Variants in GRM7 observed in about 807,000 individuals in gnomAD.
The protein encoded by GRM7 is glutamate metabotropic receptor 7.
A neutral mutation model predicts 84.5 loss-of-function variants in GRM7; 35 were observed. That is an observed-to-expected ratio of 0.41 (90% CI 0.32 to 0.55). The LOEUF (loss-of-function observed/expected upper bound fraction) is 0.55, where lower values mean the gene tolerates loss of function less well. GRM7 is among the 20% of genes least tolerant of loss of function. The probability of loss-of-function intolerance (pLI) is 0.19; values close to 1 mark genes in which losing one functional copy is unlikely to be tolerated. For missense variants in GRM7, 1,003 were observed against 1,194.6 expected (o/e 0.84, Z 2.36); for synonymous variants, 487 against 455.1 (o/e 1.07, Z -0.89).
intron 1 of GRM7, among the ~76,000 whole-genome samples, chr3:7,125,719 G>C (rs1693376768): frequency 6.6e-6 from 1 of 152,168 alleles, no homozygotes; most frequent in Non-Finnish European, 1.5e-5. Context: ...TTTGCAAAAT[G>C]ACTGTTTCAC....
At chr3:7,194,686 G>A (rs1695823515) in intron 2 of GRM7, among the ~76,000 whole-genome samples, 1 of 152,134 alleles carries the variant, frequency 6.6e-6, no homozygotes, top group South Asian at 2.1e-4. Context: ...CCTGCTTTCA[G>A]CCAAGTTACT....
rs1695035119 is a variant in GRM7, at chr3:7,002,180, A to G, written c.519+140273A>G. Among the ~76,000 whole-genome samples, 2 of 152,180 alleles carry G rather than the reference A, an allele frequency of 1.3e-5. 1 individual carries two copies. Among genetic ancestry groups the G allele is most frequent in the South Asian group, 4.1e-4 (2 of 4,832 alleles). Reference sequence around the variant, plus strand: ...GATTGAATTATTAGGAATTATTAAGAGAAGGTATTATCTAAGGGTATAGTG... The same window carrying G: ...GATTGAATTATTAGGAATTATTAAGGGAAGGTATTATCTAAGGGTATAGTG... On this transcript the variant is annotated intron_variant, in intron 1 of 9. Coordinates refer to ENST00000357716, the MANE Select transcript of GRM7 (RefSeq NM_000844.4).
chr3:6,872,485 T>C (rs1226159429), intron 1 of GRM7, among the ~76,000 whole-genome samples: 1 of 152,050 alleles, frequency 6.6e-6, no homozygotes, highest in Non-Finnish European at 1.5e-5. Context: ...TAATTTTACT[T>C]TAAGTGCTGG....
At chr3:7,007,508 A>T (rs1695222960) in intron 1 of GRM7, among the ~76,000 whole-genome samples, 1 of 152,196 alleles carries the variant, frequency 6.6e-6, no homozygotes, top group Non-Finnish European at 1.5e-5. Context: ...GGAATAGCTC[A>T]GAGTCTCTAA....
At chr3:7,018,857 G>C (rs1396762574) in intron 1 of GRM7, among the ~76,000 whole-genome samples, 1 of 152,210 alleles carries the variant, frequency 6.6e-6, no homozygotes, top group African/African-American at 2.4e-5. Flanking sequence ...AGTACTTTGG[G>C]AGGGCGAGGC....
At chr3:7,060,428 GA>G (rs771837869) in intron 1 of GRM7, among the ~76,000 whole-genome samples, 6 of 151,796 alleles carry the variant, frequency 4.0e-5, no homozygotes, top group African/African-American at 1.2e-4. Context: ...ACAAGATGGT[GA>G]AAAAAACATA....
intron 1 of GRM7, among the ~76,000 whole-genome samples, chr3:7,032,481 C>T (rs888374177): frequency 3.9e-5 from 6 of 152,132 alleles, no homozygotes; most frequent in South Asian, 2.1e-4. Flanking sequence ...TTATTGTTTT[C>T]GTGCTTAGGA....
intron 1 of GRM7, among the ~76,000 whole-genome samples, chr3:6,939,692 A>C (rs1362769425): frequency 6.6e-6 from 1 of 152,204 alleles, no homozygotes; most frequent in Non-Finnish European, 1.5e-5. Context: ...ATGAAATTAC[A>C]GACCTCAAAT....
intron 4 of GRM7, among the ~76,000 whole-genome samples, chr3:7,411,537 G>T (rs1019881750): frequency 1.6e-4 from 25 of 152,068 alleles, no homozygotes; most frequent in African/African-American, 5.8e-4. Flanking sequence ...TTTCTTTGTA[G>T]TTGAACCACA....
At chr3:7,036,392 T>A (rs979679397) in intron 1 of GRM7, among the ~76,000 whole-genome samples, 1 of 152,314 alleles carries the variant, frequency 6.6e-6, no homozygotes, top group African/African-American at 2.4e-5. Context: ...CTCATATGTC[T>A]CTGTTTGACG....
At position 6,906,194 on chromosome 3, in the gene GRM7, G is replaced by A. The variant is rs564227783; in HGVS notation, c.519+44287G>A. Among the ~76,000 whole-genome samples the A allele has an allele frequency of 5.9e-5, 9 of 152,214 alleles. No homozygotes were observed. The South Asian group carries it at 1.9e-3, about 32-fold the overall frequency. On this transcript the variant is annotated intron_variant, in intron 1 of 9. Coordinates refer to ENST00000357716, the MANE Select transcript of GRM7 (RefSeq NM_000844.4). ...TTCATGGTTGACTTGGGCAATGGGGGCACTTGATTCATGTATAATATCGTT... is the reference window on the plus strand; with the variant it reads ...TTCATGGTTGACTTGGGCAATGGGGACACTTGATTCATGTATAATATCGTT...
At chr3:7,726,253 GAAC>G (rs1418724200) in intron 9 of GRM7, among the ~76,000 whole-genome samples, 1 of 151,934 alleles carries the variant, frequency 6.6e-6, no homozygotes, top group Non-Finnish European at 1.5e-5. Context: ...AAAACTGGCA[GAAC>G]AAGAAATTCC....
intron 1 of GRM7, among the ~76,000 whole-genome samples, chr3:7,075,819 C>T (rs1262373107): frequency 6.6e-6 from 1 of 152,072 alleles, no homozygotes; most frequent in Admixed American, 6.6e-5. Context: ...AGCCACTGTG[C>T]CTGGCTAGAT....
intron 8 of GRM7, among the ~76,000 whole-genome samples, chr3:7,616,515 A>G (rs938618751): frequency 5.9e-5 from 9 of 152,144 alleles, no homozygotes; most frequent in African/African-American, 2.2e-4. Flanking sequence ...CTCATTGTCT[A>G]TGCAGCTATC....
At chr3:7,694,995 C>T (rs758960948) in intron 9 of GRM7, among the ~76,000 whole-genome samples, 6 of 152,152 alleles carry the variant, frequency 3.9e-5, no homozygotes, top group Non-Finnish European at 7.4e-5. Context: ...TGATAAGAAA[C>T]ACATGCAATA....
chr3:7,603,623 A>G (rs765649413), intron 8 of GRM7, among the ~76,000 whole-genome samples: 12 of 152,074 alleles, frequency 7.9e-5, no homozygotes, highest in Non-Finnish European at 1.6e-4. Flanking sequence ...TGACTTATGT[A>G]CTTATTTTTT....
intron 1 of GRM7, among the ~76,000 whole-genome samples, chr3:6,877,856 T>C (rs556853614): frequency 6.7e-6 from 1 of 148,300 alleles, no homozygotes; most frequent in South Asian, 2.1e-4. Flanking sequence ...CACACACATA[T>C]GACTTCTGCT....
chr3:7,172,407 A>G (rs1404174349), intron 2 of GRM7, among the ~76,000 whole-genome samples: 2 of 152,098 alleles, frequency 1.3e-5, no homozygotes, highest in African/African-American at 4.8e-5. Flanking sequence ...AACTCTGACA[A>G]TAGCAATCCC....
chr3:7,370,305 T>G (rs1694077638), intron 4 of GRM7, among the ~76,000 whole-genome samples: 1 of 152,184 alleles, frequency 6.6e-6, no homozygotes, highest in African/African-American at 2.4e-5. Context: ...CCCTTTTCTC[T>G]TATCCATGTA....
Sources: allele counts gnomAD v4.1 joint callset (sites outside exome capture counted in the v4.1 genomes callset), GRCh38; gene constraint gnomAD v4.1.1; transcripts MANE v1.5; gene names NCBI Gene and HGNC (gene_info 2026-07-23, HGNC 2026-07-21).